The following SORBS3 variants were observed in gnomAD, a reference collection of about 807,000 sequenced individuals.
SORBS3 encodes the protein vinexin.
SORBS3 carries 69 observed loss-of-function variants against 98.0 expected under a neutral mutation model. The ratio of observed to expected loss-of-function variants is 0.70; its 90% confidence interval spans 0.58 to 0.86. SORBS3 has a LOEUF of 0.86. Ranked by LOEUF, SORBS3 falls within the 40% of genes least tolerant of loss-of-function variation. The probability of loss-of-function intolerance (pLI) is 0.00; values close to 1 mark genes in which losing one functional copy is unlikely to be tolerated. For missense variants in SORBS3, 954 were observed against 908.5 expected (o/e 1.05, Z -0.64); for synonymous variants, 394 against 355.4 (o/e 1.11, Z -1.22).
rs766048391 is a variant in SORBS3, at chr8:22,556,683, T to C, written c.221-32T>C. The C allele has an allele frequency of 1.9e-6, 3 of 1,606,116 alleles. No individual in the cohort carries two copies. In the Admixed American group the frequency reaches 5.0e-5, roughly 27 times the overall value. Reference sequence around the variant, plus strand: ...CAGGTTCAGGTGGAGACCCCTGCCTTTCACTAATGCTCTCCTGCACGCACC... The same window carrying C: ...CAGGTTCAGGTGGAGACCCCTGCCTCTCACTAATGCTCTCCTGCACGCACC... On this transcript the variant is annotated intron_variant, in intron 3 of 20. Transcript: ENST00000240123.
chr8:22,563,341 G>A (rs181851562), intron 7 of SORBS3, among the ~76,000 whole-genome samples: 1 of 152,324 alleles, frequency 6.6e-6, no homozygotes, highest in African/African-American at 2.4e-5. Flanking sequence ...CCAGCAAGGG[G>A]CCCTGGAGGG....
At chr8:22,573,576 G>C (rs1190674219) in intron 20 of SORBS3, among the ~76,000 whole-genome samples, 3 of 152,094 alleles carry the variant, frequency 2.0e-5, no homozygotes, top group Non-Finnish European at 4.4e-5. Context: ...GTCAGGGAAG[G>C]CTTCCTGGAG....
In SORBS3 at chr8:22,569,129, A is replaced by G. The variant is rs779085926; in HGVS notation, c.1306-19A>G. ...TTGATGCCCAGGCCAAATCTTTCTC[A>G]TGACCTTTCTTCATGCAGGTGCTGC... On this transcript the variant is annotated intron_variant, in intron 16 of 20. Transcript: ENST00000240123. 6.3e-7 allele frequency: 1 copy of G among 1,592,352 alleles called. No individual in the cohort carries two copies. The highest frequency in any genetic ancestry group is 1.1e-5 in the South Asian group (1 of 88,406).
At chr8:22,558,268 A>C in intron 5 of SORBS3, 76 bp downstream of exon 5, 3 of 1,403,696 alleles carry the variant, frequency 2.1e-6, no homozygotes, top group Non-Finnish European at 3.0e-6. Context: ...CAGGGAAAGA[A>C]AAGGGGACTT....
In SORBS3 at chr8:22,566,375, A is replaced by T. The variant is rs1415518143; in HGVS notation, c.981A>T (p.Pro327=). Residue 327 remains proline (P), a synonymous_variant, in exon 13 of 21, where the codon CCA becomes CCT. Transcript: ENST00000240123. Reference sequence around the variant, plus strand: ...CCTCAGCCTGGAGCTCCAGCTACCCACATGCACCTTACCTGGGTTCCGCCC... The same window carrying T: ...CCTCAGCCTGGAGCTCCAGCTACCCTCATGCACCTTACCTGGGTTCCGCCC... ...GPASAWSSSY[P]HAPYLGSARS... 6.2e-7 allele frequency: 1 copy of T among 1,613,956 alleles called. No individual in the cohort carries two copies. Among genetic ancestry groups the T allele is most frequent in the Non-Finnish European group, 8.5e-7 (1 of 1,179,970 alleles).
upstream of SORBS3, among the ~76,000 whole-genome samples, chr8:22,549,296 G>C (rs1379751001): frequency 6.6e-6 from 1 of 152,186 alleles, no homozygotes; most frequent in Admixed American, 6.5e-5. Flanking sequence ...AATCTGTTCT[G>C]TTGTTGACAG....
At chr8:22,555,123 C>T (rs551447802) in intron 3 of SORBS3, 143 bp downstream of exon 3, 11 of 699,554 alleles carry the variant, frequency 1.6e-5, no homozygotes, top group Admixed American at 1.0e-4. Context: ...CCTCTGGGCT[C>T]ACTATGAGCC....
rs1319898667 is a variant in SORBS3, at chr8:22,574,878, C to T, written c.*150C>T. 8.1e-6 allele frequency: 6 copies of T among 738,410 alleles called. No homozygotes were observed. The highest frequency in any genetic ancestry group is 1.7e-5 in the African/African-American group (1 of 57,716). The allele number at this position is 738,410 out of a possible 1,614,324, so 45.7% of individuals were successfully genotyped here. On this transcript the variant is annotated 3_prime_UTR_variant, in exon 21 of 21. Coordinates refer to ENST00000240123, the MANE Select transcript of SORBS3 (RefSeq NM_005775.5). ...ACCCCCGCAGCCTTTCCCTCGGACC[C>T]CCCTCGAAGCCCCCTGGACTGATTC... is the stretch of plus-strand genomic sequence containing the variant.
intron 5 of SORBS3, 36 bp from the exon 6 acceptor site, chr8:22,561,299 C>A: frequency 1.3e-6 from 2 of 1,558,350 alleles, no homozygotes; most frequent in Non-Finnish European, 8.7e-7. Flanking sequence ...TTGCTTTCTG[C>A]CCCGTCCCAT....
chr8:22,574,378 T>C (rs1324319025), intron 20 of SORBS3, among the ~76,000 whole-genome samples: 2 of 149,216 alleles, frequency 1.3e-5, no homozygotes, highest in African/African-American at 5.0e-5. Flanking sequence ...TCCTCCTGTG[T>C]CCCCACTTTG....
At chr8:22,556,659 A>T in intron 3 of SORBS3, 56 bp from the exon 4 acceptor site, 1 of 1,503,112 alleles carries the variant, frequency 6.7e-7, no homozygotes, top group Non-Finnish European at 9.2e-7. Flanking sequence ...AGGGACACAC[A>T]GGTTCAGGTG....
upstream of SORBS3, among the ~76,000 whole-genome samples, chr8:22,551,383 G>T (rs76242135): frequency 3.7e-3 from 557 of 152,208 alleles, 10 homozygotes; most frequent in East Asian, 0.045. This position sits in a 1 kb window ranked among gnomAD's most constrained non-coding sequence, Gnocchi z 5.8. Flanking sequence ...CTCGCTCCCG[G>T]CCTGTCCGTC....
In SORBS3 at chr8:22,571,380, G is replaced by A. The variant is rs941220384; in HGVS notation, c.1743+159G>A. On this transcript the variant is annotated intron_variant, in intron 18 of 20. Transcript: ENST00000240123. ...TAGTATGGCAGCCCCACCCTGGCCT[G>A]GGGGACCTCAACCTACCGAGCTCTA... is the stretch of plus-strand genomic sequence containing the variant. Among the ~76,000 whole-genome samples the A allele has an allele frequency of 2.6e-4, 39 of 152,256 alleles. 1 individual carries two copies. Among genetic ancestry groups the A allele is most frequent in the Admixed American group, 1.2e-3 (19 of 15,296 alleles).
At chr8:22,572,569 C>A in intron 20 of SORBS3, 123 bp downstream of exon 20, 1 of 785,110 alleles carries the variant, frequency 1.3e-6, no homozygotes, top group Non-Finnish European at 2.1e-6. Flanking sequence ...CAGCTTCCGG[C>A]CGGGCTACTG....
chr8:22,566,431 G>T lies in SORBS3; in HGVS notation c.1037G>T (p.Gly346Val). 1 of 1,614,040 alleles carries T rather than the reference G, an allele frequency of 6.2e-7. No homozygotes were observed. Among genetic ancestry groups the T allele is most frequent in the South Asian group, 1.1e-5 (1 of 91,092 alleles). Reference protein sequence around the residue: ...RSLSPHKMADGGSPFLGRRDF... With the variant: ...RSLSPHKMADVGSPFLGRRDF... ...CTGAGTCCCCACAAAATGGCTGATG[G>T]AGGAAGCCCCTTCCTAGGTCGGAGG... The change falls in exon 13 of 21, where the codon GGA becomes GTA. Residue 346 changes from glycine to valine, a missense_variant. Physicochemically the swap from Gly to Val is moderately radical, Grantham distance 109 (BLOSUM62 -3). Coordinates refer to ENST00000240123, the MANE Select transcript of SORBS3 (RefSeq NM_005775.5).
intron 5 of SORBS3, chr8:22,561,117 G>A: frequency 2.1e-6 from 1 of 478,448 alleles, no homozygotes; most frequent in Middle Eastern, 5.3e-4. Context: ...GCGGCTGCCC[G>A]CTTGGCTCGC....
chr8:22,559,531 T>C (rs1251404048), intron 5 of SORBS3, among the ~76,000 whole-genome samples: 2 of 151,984 alleles, frequency 1.3e-5, no homozygotes, highest in African/African-American at 2.4e-5. Context: ...TGAAACCCCA[T>C]CTCTACTAAA....
At chr8:22,563,110 C>T (rs988503710) in intron 7 of SORBS3, among the ~76,000 whole-genome samples, 1 of 150,676 alleles carries the variant, frequency 6.6e-6, no homozygotes, top group Non-Finnish European at 1.5e-5. Context: ...CAGAGCGAGA[C>T]TCCGTATCAA....
chr8:22,563,283 C>T (rs916076694), intron 7 of SORBS3, among the ~76,000 whole-genome samples: 2 of 152,198 alleles, frequency 1.3e-5, no homozygotes, highest in East Asian at 3.8e-4. Flanking sequence ...AGTGGTTCCT[C>T]TCAGTGGAAA....
Sources: gnomAD v4.1 joint callset for allele counts (sites outside exome capture counted in the v4.1 genomes callset) on GRCh38, gnomAD v4.1.1 for gene constraint, Gnocchi (gnomAD v3.1) non-coding constraint, MANE v1.5 for transcripts, NCBI Gene and HGNC (gene_info 2026-07-23, HGNC 2026-07-21) for gene names.